The following MAGI1 variants were observed in gnomAD, a reference collection of about 807,000 sequenced individuals.
MAGI1 encodes membrane-associated guanylate kinase, WW and PDZ domain-containing protein 1.
A neutral mutation model predicts 139.9 loss-of-function variants in MAGI1; 58 were observed. The observed-to-expected ratio is 0.41, with a 90% CI of 0.34 to 0.52. The LOEUF (loss-of-function observed/expected upper bound fraction) is 0.52. Ranked by LOEUF, MAGI1 falls within the 20% of genes least tolerant of loss-of-function variation. The pLI is 0.12. For synonymous variants in MAGI1, 812 were observed against 737.9 expected, an observed-to-expected ratio of 1.10 and a Z score of -1.63; for missense variants, 1,874 against 1,901.6, an observed-to-expected ratio of 0.99 and a Z score of 0.27.
chr3:65,850,641 T>C (rs2059169187), intron 1 of MAGI1, among the ~76,000 whole-genome samples: 1 of 152,202 alleles, frequency 6.6e-6, no homozygotes, highest in Non-Finnish European at 1.5e-5. Flanking sequence ...TTTTGTCCTC[T>C]GTTTTTACAG....
intron 1 of MAGI1, among the ~76,000 whole-genome samples, chr3:65,811,154 A>C (rs2108195622): frequency 6.6e-6 from 1 of 152,300 alleles, no homozygotes; most frequent in South Asian, 2.1e-4. Flanking sequence ...CACAGCCTTC[A>C]TTATTTTCCT....
intron 1 of MAGI1, among the ~76,000 whole-genome samples, chr3:65,743,626 C>T (rs752449280): frequency 6.6e-6 from 1 of 151,950 alleles, no homozygotes; most frequent in Non-Finnish European, 1.5e-5. Flanking sequence ...AGGAGAATTG[C>T]TTGAACCTGG....
At chr3:65,391,896 A>C (rs1001304951) in intron 13 of MAGI1, among the ~76,000 whole-genome samples, 1 of 152,216 alleles carries the variant, frequency 6.6e-6, no homozygotes, top group African/African-American at 2.4e-5. Flanking sequence ...TCTTTTAAAA[A>C]TCATGCCTAG....
chr3:65,734,505 G>GAGAGAAAGAA (rs1553699212), intron 1 of MAGI1, among the ~76,000 whole-genome samples: 1 of 140,398 alleles, frequency 7.1e-6, no homozygotes, highest in Admixed American at 7.2e-5. Flanking sequence ...GAAAGAGGAA[G>GAGAGAAAGAA]AGAGAGAAAG....
Position 65,394,711 on chromosome 3 carries a change from A to C in MAGI1, c.2200-3353T>G, listed in dbSNP as rs375536606. Among the ~76,000 whole-genome samples, 15 of 151,660 alleles carry C rather than the reference A, an allele frequency of 9.9e-5. No homozygotes were observed. In the South Asian group the frequency reaches 2.5e-3, roughly 25 times the overall value. On this transcript the variant is annotated intron_variant, in intron 13 of 22. Coordinates refer to ENST00000402939, the MANE Select transcript of MAGI1 (RefSeq NM_001033057.2). ...TTTTTTTATTTTCTGTTAGCATTCT[A>C]ATTAGCTATGAGGTTGTCCTTTATC...
chr3:65,993,966 C>T (rs562726367), intron 1 of MAGI1, among the ~76,000 whole-genome samples: 1 of 152,190 alleles, frequency 6.6e-6, no homozygotes, highest in Admixed American at 6.5e-5. Flanking sequence ...AACCCACAGC[C>T]ATGAGACACT....
chr3:65,975,390 G>A (rs768760329), intron 1 of MAGI1, among the ~76,000 whole-genome samples: 1 of 152,220 alleles, frequency 6.6e-6, no homozygotes, highest in East Asian at 1.9e-4. Context: ...TGGGGTCTTC[G>A]ACATTTTATA....
intron 2 of MAGI1, among the ~76,000 whole-genome samples, chr3:65,585,281 C>T (rs1255474594): frequency 6.6e-6 from 1 of 152,162 alleles, no homozygotes; most frequent in African/African-American, 2.4e-5. Context: ...CAATGGTGAG[C>T]AGGACTGACT....
At chr3:65,603,617 G>C (rs1275018345) in intron 2 of MAGI1, among the ~76,000 whole-genome samples, 4 of 152,214 alleles carry the variant, frequency 2.6e-5, no homozygotes, top group Admixed American at 2.0e-4. Context: ...AAGCCTACAT[G>C]CTGGTCTTGT....
At chr3:65,986,744 G>A (rs2065901611) in intron 1 of MAGI1, among the ~76,000 whole-genome samples, 1 of 152,146 alleles carries the variant, frequency 6.6e-6, no homozygotes, top group African/African-American at 2.4e-5. Context: ...CATTATTTAT[G>A]TTTAGCTTGT....
chr3:65,498,877 A>T, intron 2 of MAGI1: 1 of 316,212 alleles, frequency 3.2e-6, no homozygotes, highest in Non-Finnish European at 4.6e-6. Context: ...TTGAATAGCC[A>T]CATGTGGCTA....
intron 1 of MAGI1, among the ~76,000 whole-genome samples, chr3:66,037,322 G>T (rs1045141097): frequency 6.6e-6 from 1 of 152,146 alleles, no homozygotes; most frequent in African/African-American, 2.4e-5. Flanking sequence ...GACGATGATG[G>T]TGGTGGTGGG....
intron 1 of MAGI1, among the ~76,000 whole-genome samples, chr3:65,970,206 G>T (rs1371648738): frequency 6.6e-6 from 1 of 152,166 alleles, no homozygotes; most frequent in Non-Finnish European, 1.5e-5. Context: ...GAATAACCTT[G>T]AAGACATTTT....
intron 14 of MAGI1, among the ~76,000 whole-genome samples, chr3:65,389,336 C>T (rs773853442): frequency 2.2e-4 from 33 of 152,106 alleles, no homozygotes; most frequent in Non-Finnish European, 4.1e-4. Context: ...TTCTATTAAA[C>T]GGATGTTTTA....
chr3:65,688,018 C>A, intron 1 of MAGI1: 1 of 832,486 alleles, frequency 1.2e-6, no homozygotes, highest in Non-Finnish European at 2.1e-6. Flanking sequence ...TGGCTTTGAG[C>A]CCCTCACACC....
intron 1 of MAGI1, among the ~76,000 whole-genome samples, chr3:65,805,822 C>CA (rs1167294785): frequency 1.3e-5 from 2 of 152,126 alleles, no homozygotes; most frequent in Admixed American, 6.5e-5. Flanking sequence ...TCATCCTCAG[C>CA]AAAGTAACAC....
intron 1 of MAGI1, among the ~76,000 whole-genome samples, chr3:65,738,613 T>G (rs1308186651): frequency 6.6e-6 from 1 of 152,220 alleles, no homozygotes; most frequent in African/African-American, 2.4e-5. Context: ...TAATAAGACT[T>G]GAAAGTTTAA....
intron 1 of MAGI1, among the ~76,000 whole-genome samples, chr3:65,726,203 ATT>A (rs2033586936): frequency 6.6e-6 from 1 of 152,326 alleles, no homozygotes; most frequent in East Asian, 1.9e-4. Flanking sequence ...TTTCCATCTT[ATT>A]TAAGCTATGC....
In MAGI1 at chr3:65,381,728, A is replaced by C. The variant is rs1013205663; in HGVS notation, c.2701+149T>G. The C allele has an allele frequency of 8.2e-6, 6 of 731,900 alleles. No individual in the cohort carries two copies. In the African/African-American group the frequency reaches 8.9e-5, roughly 11 times the overall value. The allele number at this position is 731,900 out of a possible 1,614,324, so 45.3% of individuals were successfully genotyped here. On this transcript the variant is annotated intron_variant, in intron 16 of 22. Transcript: ENST00000402939. ...ATGACAGTAATTTTTGCAGGGTTTG[A>C]GAGAAGCAAGCCATCTGGAAATTCT...
Sources: gnomAD v4.1 joint callset for allele counts (sites outside exome capture counted in the v4.1 genomes callset) on GRCh38, gnomAD v4.1.1 for gene constraint, MANE v1.5 for transcripts, NCBI Gene and HGNC (gene_info 2026-07-23, HGNC 2026-07-21) for gene names.